Variants in FAN1 observed in about 807,000 individuals in gnomAD.
FAN1 encodes the protein FANCD2 and FANCI associated nuclease 1.
FAN1 carries 91 observed loss-of-function variants against 104.9 expected under a neutral mutation model. That is an observed-to-expected ratio of 0.87 (90% CI 0.73 to 1.03). FAN1 has a LOEUF of 1.03. Ranked by LOEUF, FAN1 falls within the 50% of genes least tolerant of loss-of-function variation. The pLI, the probability that FAN1 is intolerant of heterozygous loss-of-function variation, is 0.00. For synonymous variants in FAN1, 478 were observed against 457.6 expected, an observed-to-expected ratio of 1.04 and a Z score of -0.57; for missense variants, 1,263 against 1,239.9, an observed-to-expected ratio of 1.02 and a Z score of -0.28.
At chr15:30,914,341 C>T (rs2062158467) in intron 5 of FAN1, among the ~76,000 whole-genome samples, 1 of 152,072 alleles carries the variant, frequency 6.6e-6, no homozygotes, top group Non-Finnish European at 1.5e-5. Context: ...TTTATGTTTC[C>T]AAGTACCTTT....
intron 5 of FAN1, among the ~76,000 whole-genome samples, chr15:30,916,652 C>G (rs2062204630): frequency 6.6e-6 from 1 of 152,190 alleles, no homozygotes; most frequent in African/African-American, 2.4e-5. Context: ...TTGTCTACCT[C>G]TGTACTTGAG....
intron 8 of FAN1, among the ~76,000 whole-genome samples, chr15:30,923,218 AAG>A (rs1396633268): frequency 6.6e-6 from 1 of 152,208 alleles, no homozygotes; most frequent in Non-Finnish European, 1.5e-5. Flanking sequence ...GTATCAGGGA[AAG>A]AGCCAGTAAA....
Position 30,937,270 on chromosome 15 carries a change from G to A in FAN1, c.*3+11G>A, listed in dbSNP as rs1310907278. On this transcript the variant is annotated intron_variant, in intron 14 of 14. Transcript: ENST00000362065. The stretch of plus-strand genomic sequence containing the variant: ...AGCCTTAGCTAAAAGGTATGGAATT[G>A]GGGATATTTGGTCATACATTAATGT... The A allele has an allele frequency of 6.3e-7, 1 of 1,596,308 alleles. No homozygotes were observed. The highest frequency in any genetic ancestry group is 1.8e-5 in the Admixed American group (1 of 54,694).
At position 30,929,444 on chromosome 15, in the gene FAN1, G is replaced by A. The variant is rs112159557; in HGVS notation, c.2787+47G>A. 2.9e-3 allele frequency: 4,258 copies of A among 1,465,344 alleles called. 99 individuals carry two copies. The African/African-American group carries it at 0.052, about 18-fold the overall frequency. 90.8% of individuals were successfully genotyped at this position (1,465,344 alleles called of 1,614,324 possible). On this transcript the variant is annotated intron_variant, in intron 12 of 14. Coordinates refer to ENST00000362065, the MANE Select transcript of FAN1 (RefSeq NM_014967.5). ...AGGATTTGCTCAGAAAGTTAACACC[G>A]CCCCAGTGCTGTCTTTTCAGCAACT...
chr15:30,929,130 G>T, intron 11 of FAN1, 73 bp from the exon 12 acceptor site: 1 of 1,349,490 alleles, frequency 7.4e-7, no homozygotes, highest in South Asian at 1.3e-5. Flanking sequence ...AGTTTTGTAT[G>T]TACTGACTAG....
intron 1 of FAN1, 108 bp from the exon 2 acceptor site, chr15:30,904,404 G>A: frequency 1.8e-6 from 1 of 560,554 alleles, no homozygotes; most frequent in Non-Finnish European, 3.2e-6. Context: ...CACGCTCAGG[G>A]TTGTCTCCTC....
rs1468144348 is a variant in FAN1 at position 30,904,592 on chromosome 15, T to G, written c.-72T>G. 1 of 1,461,344 alleles carries G rather than the reference T, an allele frequency of 6.8e-7. No homozygotes were observed. Among genetic ancestry groups the G allele is most frequent in the African/African-American group, 1.4e-5 (1 of 71,994 alleles). The allele number at this position is 1,461,344 out of a possible 1,614,324, so 90.5% of individuals were successfully genotyped here. A position where few individuals can be genotyped will look rare whatever the true frequency, so the allele number is the denominator to read the frequency against. ...TGATTTCAAGTCAAGAAAGTAAAAG[T>G]AAACCATTGCTATCTTTCACCTTAA... On this transcript the variant is annotated 5_prime_UTR_variant, in exon 2 of 15. Coordinates refer to ENST00000362065, the MANE Select transcript of FAN1 (RefSeq NM_014967.5).
At position 30,905,228 on chromosome 15, in the gene FAN1, G is replaced by A. The variant is rs377089680; in HGVS notation, c.565G>A (p.Val189Ile). 3.2e-5 allele frequency: 52 copies of A among 1,614,018 alleles called. No individual in the cohort carries two copies. The African/African-American group carries it at 6.4e-4, about 20-fold the overall frequency. ...SSPQSSKSTV[V>I]KSLIDNSSEI... ...TCCACAGAGTTCCAAATCCACAGTT[G>A]TTAAGAGCCTGATTGATAACTCTTC... Residue 189 changes from valine (V) to isoleucine (I), a missense_variant, in exon 2 of 15, where the codon GTT becomes ATT. Val to Ile is a conservative substitution (Grantham distance 29). Around this residue, in one of 2 missense-constraint regions of FAN1, gnomAD observed 682 missense variants for 571.1 expected, o/e 1.19. Transcript: ENST00000362065.
chr15:30,918,718 T>G (rs1021365093), intron 6 of FAN1, among the ~76,000 whole-genome samples: 1 of 152,326 alleles, frequency 6.6e-6, no homozygotes, highest in East Asian at 1.9e-4. Context: ...AAGCGAACTT[T>G]CCAGGTACAC....
rs375071485 is a variant in FAN1, at chr15:30,922,352, C to T, written c.2170C>T (p.Pro724Ser). 31 of 1,599,904 alleles carry T rather than the reference C, an allele frequency of 1.9e-5. No individual in the cohort carries two copies. The highest frequency in any genetic ancestry group is 2.5e-5 in the Non-Finnish European group (29 of 1,176,704). Residue 724 changes from proline to serine, a missense_variant and splice_region_variant, in exon 8 of 15, where the codon CCG becomes TCG. Around this residue, in one of 2 missense-constraint regions of FAN1, gnomAD observed 581 missense variants for 668.8 expected, o/e 0.87. Transcript: ENST00000362065. ...ACACCAGCACTTGAAGCGCCTGGAA[C>T]CGGTACTCAGTAACAAAACATATCT... ...NLHQHLKRLE[P>S]TIKCITEGLA...
chr15:30,940,495 A>G, intron 14 of FAN1: 1 of 985,466 alleles, frequency 1.0e-6, no homozygotes, highest in Non-Finnish European at 1.2e-6. Flanking sequence ...CTCATTAGTT[A>G]TTTCCAGGGG....
chr15:30,926,926 C>A (rs370413645), intron 10 of FAN1: 2 of 985,350 alleles, frequency 2.0e-6, no homozygotes, highest in African/African-American at 3.5e-5. Context: ...TGTGTCAGAG[C>A]GATCTCAACC....
At chr15:30,938,968 C>T in intron 14 of FAN1, 1 of 985,300 alleles carries the variant, frequency 1.0e-6, no homozygotes, top group Non-Finnish European at 1.2e-6. Context: ...TTTATTAAGC[C>T]ATCAAAATTT....
intron 13 of FAN1, among the ~76,000 whole-genome samples, chr15:30,934,830 A>G (rs1283906478): frequency 6.6e-6 from 1 of 152,248 alleles, no homozygotes; most frequent in African/African-American, 2.4e-5. Context: ...GAACCTTTCA[A>G]TAATATATAT....
rs2293318 is a variant in FAN1 at position 30,930,472 on chromosome 15, G to A, written c.2788-71G>A. On this transcript the variant is annotated intron_variant, in intron 12 of 14. Coordinates refer to ENST00000362065, the MANE Select transcript of FAN1 (RefSeq NM_014967.5). ...TATACACTGAGCTTTTCTCCGTCTCGTGATCCCTGGAGCCTATTTCCATTC... is the reference window on the plus strand; with the variant it reads ...TATACACTGAGCTTTTCTCCGTCTCATGATCCCTGGAGCCTATTTCCATTC... The A allele has an allele frequency of 8.6e-6, 13 of 1,518,794 alleles. No individual in the cohort carries two copies. In the East Asian group the frequency reaches 9.2e-5, roughly 11 times the overall value. The allele number at this position is 1,518,794 out of a possible 1,614,324, so 94.1% of individuals were successfully genotyped here.
chr15:30,929,655 A>ATGAAATATATAATATATCATATAAT (rs1555402972), intron 12 of FAN1, among the ~76,000 whole-genome samples: 20 of 62,544 alleles, frequency 3.2e-4, no homozygotes, highest in African/African-American at 1.0e-3. Context: ...TATATAATAT[A>ATGAAATATATAATATATCATATAAT]ATATATGAAA....
chr15:30,922,357 A>G lies in FAN1; in HGVS notation c.2172+3A>G. 1.9e-6 allele frequency: 3 copies of G among 1,595,954 alleles called. No homozygotes were observed. The highest frequency in any genetic ancestry group is 1.7e-6 in the Non-Finnish European group (2 of 1,175,708). ...AGCACTTGAAGCGCCTGGAACCGGT[A>G]CTCAGTAACAAAACATATCTGAAAC... On this transcript the variant is annotated splice_donor_region_variant and intron_variant, in intron 8 of 14. Coordinates refer to ENST00000362065, the MANE Select transcript of FAN1 (RefSeq NM_014967.5).
At chr15:30,929,601 C>CATATTACATATATAATATATATTAT (rs1566929237) in intron 12 of FAN1, among the ~76,000 whole-genome samples, 2 of 122,782 alleles carry the variant, frequency 1.6e-5, no homozygotes, top group East Asian at 4.3e-4. Flanking sequence ...TTATATATTA[C>CATATTACATATATAATATATATTAT]ATATTACATA....
intron 14 of FAN1, chr15:30,941,172 C>T (rs1272441308): frequency 3.2e-5 from 43 of 1,326,334 alleles, no homozygotes; most frequent in Non-Finnish European, 3.9e-5. Flanking sequence ...AGATAGCCTT[C>T]AGGAGGTGGT....
Sources: gnomAD v4.1 joint callset for allele counts (sites outside exome capture counted in the v4.1 genomes callset) on GRCh38, gnomAD v4.1.1 for gene constraint, gnomAD v4.1.1 regional missense constraint, MANE v1.5 for transcripts, NCBI Gene and HGNC (gene_info 2026-07-23, HGNC 2026-07-21) for gene names.